Variants in PRKG1 observed in about 807,000 individuals in gnomAD.
PRKG1 encodes cGMP-dependent protein kinase 1.
In PRKG1, 35 loss-of-function variants were observed where a neutral mutation model predicts 88.1. That is an observed-to-expected ratio of 0.40 (90% CI 0.30 to 0.53). The LOEUF (loss-of-function observed/expected upper bound fraction) is 0.53. Among genes scored for constraint, PRKG1 ranks in the 20% least tolerant of loss-of-function variants. PRKG1 has a pLI of 0.59. For missense variants in PRKG1, 540 were observed against 839.8 expected (o/e 0.64, Z 4.41); for synonymous variants, 303 against 292.5 (o/e 1.04, Z -0.37).
At chr10:51,166,210 A>G (rs780882306) in intron 2 of PRKG1, among the ~76,000 whole-genome samples, 7 of 151,374 alleles carry the variant, frequency 4.6e-5, no homozygotes, top group African/African-American at 1.5e-4. Flanking sequence ...ATTTAAAGCC[A>G]CTTAAAAAAA....
intron 2 of PRKG1, among the ~76,000 whole-genome samples, chr10:51,383,359 G>T (rs1294129981): frequency 6.6e-6 from 1 of 151,888 alleles, no homozygotes; most frequent in Non-Finnish European, 1.5e-5. Flanking sequence ...TGAGGGAAGA[G>T]GACAATTAGA....
intron 3 of PRKG1, among the ~76,000 whole-genome samples, chr10:51,487,147 C>G (rs2879571): frequency 0.07 from 10,634 of 152,134 alleles, 525 homozygotes; most frequent in South Asian, 0.13. Context: ...GCCAGTAACA[C>G]CTGTTCAAGA....
chr10:51,355,450 C>G (rs959433409), intron 2 of PRKG1, among the ~76,000 whole-genome samples: 17 of 152,138 alleles, frequency 1.1e-4, no homozygotes, highest in African/African-American at 3.9e-4. Context: ...TATTCTGCAG[C>G]TCTTTCTCCC....
At chr10:51,727,381 A>C (rs1213063479) in intron 3 of PRKG1, among the ~76,000 whole-genome samples, 1 of 151,480 alleles carries the variant, frequency 6.6e-6, no homozygotes, top group Non-Finnish European at 1.5e-5. Flanking sequence ...GGTGCTCAGG[A>C]TTGTGTCTAT....
At position 51,840,757 on chromosome 10, in the gene PRKG1, G is replaced by T. The variant is rs557558934; in HGVS notation, c.698+36067G>T. 7.9e-5 allele frequency among the ~76,000 whole-genome samples: 12 copies of T among 152,144 alleles called. No homozygotes were observed. In the South Asian group the frequency reaches 2.3e-3, roughly 29 times the overall value. On this transcript the variant is annotated intron_variant, in intron 4 of 17. Transcript: ENST00000373980. The stretch of plus-strand genomic sequence containing the variant: ...GACGGGGTTTTGCCATGTTGGCCAG[G>T]CTGGTCTCGGACTCCAGCCCTCAGG...
At chr10:51,423,537 T>C (rs545061997) in intron 2 of PRKG1, among the ~76,000 whole-genome samples, 2 of 152,298 alleles carry the variant, frequency 1.3e-5, no homozygotes, top group African/African-American at 4.8e-5. Flanking sequence ...ATAAAGACTC[T>C]CAGTGGTTCT....
At chr10:52,165,202 G>C (rs1423141214) in intron 9 of PRKG1, among the ~76,000 whole-genome samples, 1 of 152,074 alleles carries the variant, frequency 6.6e-6, no homozygotes, top group East Asian at 1.9e-4. Flanking sequence ...GCATTTTATA[G>C]TCTTCTAATA....
At chr10:51,974,874 G>A (rs181430633) in intron 5 of PRKG1, among the ~76,000 whole-genome samples, 1 of 152,164 alleles carries the variant, frequency 6.6e-6, no homozygotes, top group East Asian at 1.9e-4. Flanking sequence ...TAAAAAGTCA[G>A]TACAGTAGCT....
intron 9 of PRKG1, among the ~76,000 whole-genome samples, chr10:52,185,274 C>T (rs1260210358): frequency 2.6e-5 from 4 of 152,182 alleles, no homozygotes; most frequent in African/African-American, 4.8e-5. Flanking sequence ...GAGCTACAGG[C>T]CCCACATCAG....
chr10:51,753,882 C>A (rs1837789832), intron 3 of PRKG1, among the ~76,000 whole-genome samples: 1 of 152,096 alleles, frequency 6.6e-6, no homozygotes, highest in South Asian at 2.1e-4. Flanking sequence ...TTTCATGAAG[C>A]TCATGAACAT....
At chr10:52,166,615 T>A (rs1186882875) in intron 9 of PRKG1, among the ~76,000 whole-genome samples, 3 of 149,382 alleles carry the variant, frequency 2.0e-5, no homozygotes, top group Admixed American at 6.7e-5. Context: ...AATATAAAAT[T>A]TTATCTCTAT....
chr10:51,826,899 A>G (rs576183408), intron 4 of PRKG1, among the ~76,000 whole-genome samples: 25 of 152,334 alleles, frequency 1.6e-4, no homozygotes, highest in Admixed American at 1.0e-3. Context: ...GTAAGAAGAC[A>G]TTAATTGAAC....
At chr10:51,686,320 C>G (rs552892490) in intron 3 of PRKG1, among the ~76,000 whole-genome samples, 1 of 152,074 alleles carries the variant, frequency 6.6e-6, no homozygotes, top group Non-Finnish European at 1.5e-5. Context: ...CAAGTAGGCC[C>G]CAGTGCCTGT....
chr10:51,581,661 C>T (rs1838039762), intron 3 of PRKG1, among the ~76,000 whole-genome samples: 1 of 152,132 alleles, frequency 6.6e-6, no homozygotes, highest in Non-Finnish European at 1.5e-5. Context: ...GGCAGTCCAA[C>T]CTGGCATTGT....
At chr10:51,424,098 A>G (rs373943189) in intron 2 of PRKG1, among the ~76,000 whole-genome samples, 8 of 152,210 alleles carry the variant, frequency 5.3e-5, no homozygotes, top group African/African-American at 1.9e-4. Context: ...CTGGCATTTT[A>G]TTGTTGGAAA....
intron 3 of PRKG1, among the ~76,000 whole-genome samples, chr10:51,575,833 C>T (rs536008820): frequency 6.6e-6 from 1 of 151,676 alleles, no homozygotes; most frequent in South Asian, 2.1e-4. Flanking sequence ...GTCATAAGAA[C>T]AATTTTAAAA....
intron 3 of PRKG1, among the ~76,000 whole-genome samples, chr10:51,607,550 T>C (rs955386375): frequency 3.3e-5 from 5 of 152,190 alleles, no homozygotes; most frequent in African/African-American, 4.8e-5. Context: ...CTGTCTCTCA[T>C]TCCCATGTCC....
intron 1 of PRKG1, among the ~76,000 whole-genome samples, chr10:51,088,657 G>A (rs988235329): frequency 1.3e-5 from 2 of 151,984 alleles, no homozygotes; most frequent in African/African-American, 4.8e-5. Flanking sequence ...ATCCATCAGA[G>A]TTTGAATTTC....
intron 9 of PRKG1, among the ~76,000 whole-genome samples, chr10:52,199,156 A>T (rs1348149134): frequency 3.3e-5 from 5 of 152,000 alleles, no homozygotes; most frequent in African/African-American, 1.2e-4. Flanking sequence ...TGTAGAGAGC[A>T]TATTCTTTAA....
Sources: gnomAD v4.1 joint callset for allele counts (sites outside exome capture counted in the v4.1 genomes callset) on GRCh38, gnomAD v4.1.1 for gene constraint, MANE v1.5 for transcripts, NCBI Gene and HGNC (gene_info 2026-07-23, HGNC 2026-07-21) for gene names.